Variants in SGCZ observed in about 807,000 individuals in gnomAD.
The protein encoded by SGCZ is sarcoglycan zeta.
SGCZ carries 40 observed loss-of-function variants against 41.3 expected under a neutral mutation model. The ratio of observed to expected loss-of-function variants is 0.97; its 90% confidence interval spans 0.75 to 1.26. SGCZ has a LOEUF of 1.26. SGCZ is among the 50% of genes most tolerant of loss of function. SGCZ has a pLI of 0.00. For missense variants in SGCZ, 552 were observed against 369.8 expected, an observed-to-expected ratio of 1.49 and a Z score of -4.04; for synonymous variants, 206 against 137.5, an observed-to-expected ratio of 1.50 and a Z score of -3.49.
chr8:14,517,985 A>G lies in SGCZ; in HGVS notation c.234+36747T>C, dbSNP rs139191252. ...TTATTTGTTGATTTAACTTTATTGCATAAGTTTATTGAACGTGTATTTTGA... is the reference window on the plus strand; with the variant it reads ...TTATTTGTTGATTTAACTTTATTGCGTAAGTTTATTGAACGTGTATTTTGA... On this transcript the variant is annotated intron_variant, in intron 2 of 7. Transcript: ENST00000382080. 4.8e-3 allele frequency among the ~76,000 whole-genome samples: 735 copies of G among 151,898 alleles called. 4 individuals are homozygous for G. The highest frequency in any genetic ancestry group is 0.016 in the African/African-American group (681 of 41,542).
At chr8:14,130,389 A>G (rs1053555861) in intron 5 of SGCZ, among the ~76,000 whole-genome samples, 6 of 152,178 alleles carry the variant, frequency 3.9e-5, no homozygotes, top group Non-Finnish European at 7.3e-5. Flanking sequence ...TAAGAAAAAG[A>G]ATCATAGCTG....
intron 1 of SGCZ, among the ~76,000 whole-genome samples, chr8:14,583,387 T>C (rs1196146048): frequency 9.2e-5 from 14 of 152,182 alleles, no homozygotes; most frequent in Non-Finnish European, 1.8e-4. Context: ...TTGAGTTCAT[T>C]GTAGATTCTG....
chr8:14,931,518 A>T (rs7830408), intron 1 of SGCZ, among the ~76,000 whole-genome samples: 53,834 of 151,830 alleles, frequency 0.35, 9,869 homozygotes, highest in East Asian at 0.45. Flanking sequence ...GAGCAATAAC[A>T]AAATGACATG....
At chr8:14,355,201 T>A (rs1189859706) in intron 2 of SGCZ, among the ~76,000 whole-genome samples, 1 of 152,090 alleles carries the variant, frequency 6.6e-6, no homozygotes, top group African/African-American at 2.4e-5. Flanking sequence ...CAAGCAGATG[T>A]TTCATTATAA....
chr8:14,369,569 T>G (rs1803838649), intron 2 of SGCZ, among the ~76,000 whole-genome samples: 1 of 152,034 alleles, frequency 6.6e-6, no homozygotes, highest in Non-Finnish European at 1.5e-5. Context: ...TTATTCATTG[T>G]AATTTATAAG....
At chr8:15,044,149 A>G (rs1804213653) in intron 1 of SGCZ, among the ~76,000 whole-genome samples, 2 of 152,146 alleles carry the variant, frequency 1.3e-5, no homozygotes, top group South Asian at 4.1e-4. Flanking sequence ...CTAATTTATA[A>G]TTTATAAAAT....
At chr8:15,203,297 C>A (rs1434452093) in intron 1 of SGCZ, among the ~76,000 whole-genome samples, 1 of 152,008 alleles carries the variant, frequency 6.6e-6, no homozygotes, top group Non-Finnish European at 1.5e-5. Flanking sequence ...CGGTCTTTTG[C>A]CTTTTATCTC....
chr8:14,299,549 A>G lies in SGCZ; in HGVS notation c.336+24554T>C, dbSNP rs184446198. Among the ~76,000 whole-genome samples the G allele has an allele frequency of 1.7e-3, 264 of 152,092 alleles. 1 individual carries two copies. Among genetic ancestry groups the G allele is most frequent in the African/African-American group, 5.8e-3 (243 of 41,550 alleles). On this transcript the variant is annotated intron_variant, in intron 3 of 7. Transcript: ENST00000382080. ...AGATATGTAAATGGCCAGTAAGCACATAAAAGAGTGCTCAACATCATTTGC... is the reference window on the plus strand; with the variant it reads ...AGATATGTAAATGGCCAGTAAGCACGTAAAAGAGTGCTCAACATCATTTGC...
intron 1 of SGCZ, among the ~76,000 whole-genome samples, chr8:15,063,769 A>C (rs915686346): frequency 5.3e-5 from 8 of 152,228 alleles, no homozygotes; most frequent in African/African-American, 1.9e-4. Context: ...GACTTAAGTG[A>C]AGTCATGGGA....
intron 3 of SGCZ, among the ~76,000 whole-genome samples, chr8:14,284,311 T>G (rs1459493842): frequency 1.3e-5 from 2 of 152,192 alleles, no homozygotes; most frequent in Non-Finnish European, 2.9e-5. Context: ...GAGGATGGCT[T>G]GAGTCCAGGA....
chr8:14,383,800 A>G (rs187371912), intron 2 of SGCZ, among the ~76,000 whole-genome samples: 1 of 152,294 alleles, frequency 6.6e-6, no homozygotes, highest in Admixed American at 6.5e-5. Context: ...AGTTGAATGT[A>G]GGCCAGACCA....
intron 1 of SGCZ, among the ~76,000 whole-genome samples, chr8:15,003,262 A>C (rs1332499190): frequency 6.6e-6 from 1 of 152,162 alleles, no homozygotes; most frequent in Non-Finnish European, 1.5e-5. Flanking sequence ...CTGAAAGACG[A>C]AGCAGAGAGG....
At chr8:14,601,704 A>C (rs1805594701) in intron 1 of SGCZ, among the ~76,000 whole-genome samples, 1 of 152,238 alleles carries the variant, frequency 6.6e-6, no homozygotes, top group Non-Finnish European at 1.5e-5. Context: ...GGCAGATGTG[A>C]GAACATCTAT....
intron 5 of SGCZ, among the ~76,000 whole-genome samples, chr8:14,155,823 A>G (rs1041809074): frequency 6.6e-6 from 1 of 152,090 alleles, no homozygotes; most frequent in African/African-American, 2.4e-5. Context: ...TGCAAACATC[A>G]CAGAGTGTAT....
At chr8:15,022,301 A>T (rs1803281848) in intron 1 of SGCZ, among the ~76,000 whole-genome samples, 1 of 152,112 alleles carries the variant, frequency 6.6e-6, no homozygotes, top group Non-Finnish European at 1.5e-5. Flanking sequence ...AGAAATTTAG[A>T]TCCAATTTTT....
chr8:15,218,445 T>C (rs953359558), intron 1 of SGCZ, among the ~76,000 whole-genome samples: 21 of 152,206 alleles, frequency 1.4e-4, no homozygotes, highest in African/African-American at 5.1e-4. Context: ...TTTCTCAGTG[T>C]TTATAATTAA....
chr8:14,274,410 G>T (rs922078192), intron 3 of SGCZ, among the ~76,000 whole-genome samples: 1 of 152,088 alleles, frequency 6.6e-6, no homozygotes, highest in Admixed American at 6.5e-5. Flanking sequence ...TGTACAAGTC[G>T]TTGGTTTTAA....
chr8:14,678,541 G>C (rs1808344951), intron 1 of SGCZ, among the ~76,000 whole-genome samples: 1 of 152,192 alleles, frequency 6.6e-6, no homozygotes, highest in Non-Finnish European at 1.5e-5. Flanking sequence ...AACACCAAAT[G>C]CTAGTAAGGA....
intron 2 of SGCZ, among the ~76,000 whole-genome samples, chr8:14,466,697 A>G (rs1292931410): frequency 6.6e-6 from 1 of 151,510 alleles, no homozygotes; most frequent in Non-Finnish European, 1.5e-5. Flanking sequence ...CCTGTCTTCT[A>G]GTTTGTGGAA....
Sources: allele counts gnomAD v4.1 joint callset (sites outside exome capture counted in the v4.1 genomes callset), GRCh38; gene constraint gnomAD v4.1.1; transcripts MANE v1.5; gene names NCBI Gene and HGNC (gene_info 2026-07-23, HGNC 2026-07-21).